The following CD300A variants were observed in gnomAD, a reference collection of about 807,000 sequenced individuals.
CD300A encodes CD300a molecule.
In CD300A, 22 loss-of-function variants were observed where a neutral mutation model predicts 33.6. The ratio of observed to expected loss-of-function variants is 0.66; its 90% CI spans 0.47 to 0.94. The LOEUF is 0.94. Ranked by LOEUF, CD300A falls within the 40% of genes least tolerant of loss-of-function variation. CD300A has a pLI of 0.00. For missense variants in CD300A, 326 were observed against 360.5 expected (o/e 0.90, Z 0.77); for synonymous variants, 136 against 148.1 (o/e 0.92, Z 0.59).
In CD300A at chr17:74,470,838, T is replaced by C. The variant is rs529473214; in HGVS notation, c.41-2698T>C. On this transcript the variant is annotated intron_variant, in intron 1 of 6. Transcript: ENST00000360141. ...TAATTTTTTGTGTTTTTGGTAGAGA[T>C]GGGGGTCTCACCACATTGCCCAGGC... is the stretch of plus-strand genomic sequence containing the variant. 1.4e-3 allele frequency among the ~76,000 whole-genome samples: 207 copies of C among 151,610 alleles called. 2 individuals carry two copies. Among genetic ancestry groups the C allele is most frequent in the Middle Eastern group, 3.4e-3 (1 of 294 alleles).
At chr17:74,483,600 A>G (rs1598112279) in intron 6 of CD300A, among the ~76,000 whole-genome samples, 2 of 151,758 alleles carry the variant, frequency 1.3e-5, no homozygotes, top group South Asian at 2.1e-4. Flanking sequence ...CAAGTGATCC[A>G]CCCGCCTTGG....
In CD300A at chr17:74,480,860, G is replaced by A. The variant is rs1906794711; in HGVS notation, c.629-429G>A. ...TCTCCCAGGTTCAAGCGATTCTCCT[G>A]TCTCAGCCTCCCAAGTAGCTGGGAC... On this transcript the variant is annotated intron_variant, in intron 4 of 6. Transcript: ENST00000360141. This position sits in a 1 kb window ranked among gnomAD's most constrained non-coding sequence, Gnocchi z 4.2. Among the ~76,000 whole-genome samples, 1 of 152,162 alleles carries A rather than the reference G, an allele frequency of 6.6e-6. No homozygotes were observed. The highest frequency in any genetic ancestry group is 2.4e-5 in the African/African-American group (1 of 41,436).
chr17:74,474,015 C>A, intron 2 of CD300A, 141 bp downstream of exon 2: 1 of 918,888 alleles, frequency 1.1e-6, no homozygotes, highest in Non-Finnish European at 1.6e-6. Flanking sequence ...GGAACACAGT[C>A]AGGGGGTCTC....
intron 3 of CD300A, 131 bp downstream of exon 3, chr17:74,474,816 C>A: frequency 9.8e-7 from 1 of 1,020,662 alleles, no homozygotes; most frequent in Non-Finnish European, 1.4e-6. Flanking sequence ...AGGTTGGAAG[C>A]CATAGTCTGA....
intron 4 of CD300A, among the ~76,000 whole-genome samples, chr17:74,479,375 G>T (rs1374363593): frequency 6.6e-6 from 1 of 151,950 alleles, no homozygotes; most frequent in Non-Finnish European, 1.5e-5. Flanking sequence ...CTCCCAAATA[G>T]CTGGGACTAC....
intron 6 of CD300A, among the ~76,000 whole-genome samples, chr17:74,482,693 CCTTCCTTTCTTTCTTTCTTTCTTT>C (rs1906952837): frequency 9.8e-6 from 1 of 102,196 alleles, no homozygotes; most frequent in Admixed American, 8.4e-5. Context: ...TTCCTTCCTT[CCTTCCTTTCTTTCTTTCTTTCTTT>C]CTTTCTTTCT....
Position 74,484,110 on chromosome 17 carries a change from T to C in CD300A, c.884T>C (p.Val295Ala). ...REEEPDSDYSVIRKT is the reference protein window; with the variant it reads ...REEEPDSDYSAIRKT The stretch of plus-strand genomic sequence containing the variant: ...GAGGAACCAGATTCAGATTACAGTG[T>C]GATAAGGAAGACATAGGCTTTTGTC... The change falls in exon 7 of 7, where the codon GTG becomes GCG. Residue 295 changes from valine (V) to alanine (A), a missense_variant. Transcript: ENST00000360141. 1 of 1,613,852 alleles carries C rather than the reference T, an allele frequency of 6.2e-7. No individual in the cohort carries two copies. Among genetic ancestry groups the C allele is most frequent in the Non-Finnish European group, 8.5e-7 (1 of 1,179,874 alleles).
In CD300A at chr17:74,481,722, CCAGG is replaced by C. The variant is rs780951650; in HGVS notation, c.667-2_668del. 6.2e-6 allele frequency: 10 copies of C among 1,603,502 alleles called. No individual in the cohort carries two copies. Among genetic ancestry groups the C allele is most frequent in the Non-Finnish European group, 7.7e-6 (9 of 1,175,686 alleles). ...CACCCACCTGGGACCTCCTGCCCAC[CCAGG>C]CTGCCACGCAGAGTGAGCTGCACTA... On this transcript the variant is annotated splice_acceptor_variant and splice_polypyrimidine_tract_variant and coding_sequence_variant and intron_variant, in exon 6 of 7. Transcript: ENST00000360141. LOFTEE classifies it high-confidence loss of function.
chr17:74,469,102 A>C (rs1477673563), intron 1 of CD300A, among the ~76,000 whole-genome samples: 3 of 152,180 alleles, frequency 2.0e-5, no homozygotes, highest in Non-Finnish European at 2.9e-5. Context: ...TGTTTACATA[A>C]AATTGAAATT....
At chr17:74,481,884 G>C (rs751464309) in intron 6 of CD300A, 51 bp downstream of exon 6, 1 of 1,409,982 alleles carries the variant, frequency 7.1e-7, no homozygotes, top group Admixed American at 2.0e-5. Flanking sequence ...GCTGTGCCAG[G>C]GCACCCCTGG....
At chr17:74,470,657 TA>T (rs1279584124) in intron 1 of CD300A, among the ~76,000 whole-genome samples, 1 of 141,022 alleles carries the variant, frequency 7.1e-6, no homozygotes, top group Non-Finnish European at 1.6e-5. Context: ...AGTTTTTATT[TA>T]TTTTTTTTGA....
In CD300A at chr17:74,478,296, T is replaced by A. The variant is rs544377277; in HGVS notation, c.628+766T>A. 3.4e-3 allele frequency among the ~76,000 whole-genome samples: 511 copies of A among 152,330 alleles called. 4 individuals are homozygous for A. Among genetic ancestry groups the A allele is most frequent in the African/African-American group, 0.012 (483 of 41,580 alleles). Reference sequence around the variant, plus strand: ...TGTCACAGCCTTTTGGGAACCAGACTGTCATTGCTGGTGTCCTCATCTGCC... The same window carrying A: ...TGTCACAGCCTTTTGGGAACCAGACAGTCATTGCTGGTGTCCTCATCTGCC... On this transcript the variant is annotated intron_variant, in intron 4 of 6. Transcript: ENST00000360141.
chr17:74,473,515 A>G lies in CD300A; in HGVS notation c.41-21A>G, dbSNP rs1051219961. The G allele has an allele frequency of 2.5e-6, 4 of 1,596,860 alleles. No individual in the cohort carries two copies. The African/African-American group carries it at 5.4e-5, about 21-fold the overall frequency. On this transcript the variant is annotated intron_variant, in intron 1 of 6. Coordinates refer to ENST00000360141, the MANE Select transcript of CD300A (RefSeq NM_007261.4). The stretch of plus-strand genomic sequence containing the variant: ...CAGGCTCATCTGAGGAGGAGCTGGG[A>G]CTCTGGCTTGTGTTTTCCAGGATGT...
intron 1 of CD300A, chr17:74,467,135 G>A: frequency 4.2e-6 from 1 of 238,218 alleles, no homozygotes; most frequent in East Asian, 1.9e-4. Flanking sequence ...GAGATGCCGG[G>A]CTCACTGGGT....
chr17:74,472,875 GC>G (rs745329757), intron 1 of CD300A, among the ~76,000 whole-genome samples: 2 of 152,148 alleles, frequency 1.3e-5, no homozygotes, highest in Non-Finnish European at 2.9e-5. Context: ...CTCCCAAAGT[GC>G]TGGGATTACA....
intron 1 of CD300A, among the ~76,000 whole-genome samples, chr17:74,467,579 C>T (rs1302007803): frequency 3.3e-5 from 5 of 152,224 alleles, no homozygotes; most frequent in African/African-American, 1.2e-4. Context: ...GTCCACCGCT[C>T]TCCTCAGACA....
intron 3 of CD300A, among the ~76,000 whole-genome samples, chr17:74,477,222 C>T (rs1282404163): frequency 1.3e-5 from 2 of 151,858 alleles, no homozygotes; most frequent in Non-Finnish European, 2.9e-5. Context: ...TAAAAATTAG[C>T]CGTGGTGGCC....
chr17:74,482,414 G>A (rs1906920937), intron 6 of CD300A, among the ~76,000 whole-genome samples: 2 of 151,118 alleles, frequency 1.3e-5, no homozygotes, highest in Non-Finnish European at 2.9e-5. Flanking sequence ...GACAAGTCGT[G>A]TGGTGCCATG....
chr17:74,482,699 T>TCCC (rs1906958165), intron 6 of CD300A, among the ~76,000 whole-genome samples: 1 of 120,728 alleles, frequency 8.3e-6, no homozygotes. Flanking sequence ...CCTTCCTTCC[T>TCCC]TTCTTTCTTT....
Sources: gnomAD v4.1 joint callset for allele counts (sites outside exome capture counted in the v4.1 genomes callset) on GRCh38, gnomAD v4.1.1 for gene constraint, Gnocchi (gnomAD v3.1) non-coding constraint, MANE v1.5 for transcripts, NCBI Gene and HGNC (gene_info 2026-07-23, HGNC 2026-07-21) for gene names.